The following CHRM3 variants were observed in gnomAD, a reference collection of about 807,000 sequenced individuals.
CHRM3 encodes cholinergic receptor muscarinic 3, also known as muscarinic acetylcholine receptor M3.
In CHRM3, 11 loss-of-function variants were observed where a neutral mutation model predicts 41.8. That is an observed-to-expected ratio of 0.26 (90% confidence interval 0.17 to 0.44). The LOEUF is 0.44. Ranked by LOEUF, CHRM3 falls within the 20% of genes least tolerant of loss-of-function variation. CHRM3 has a pLI of 1.00. For missense variants in CHRM3, 571 were observed against 745.4 expected (o/e 0.77, Z 2.72); for synonymous variants, 297 against 301.4 (o/e 0.99, Z 0.15).
chr1:239,691,062 A>G (rs927920057), intron 5 of CHRM3, among the ~76,000 whole-genome samples: 13 of 151,976 alleles, frequency 8.6e-5, no homozygotes, highest in African/African-American at 3.1e-4. Flanking sequence ...ATCACTCAGG[A>G]AATTTTGCTG....
At chr1:239,764,595 T>C (rs1035364306) in intron 5 of CHRM3, among the ~76,000 whole-genome samples, 1 of 152,218 alleles carries the variant, frequency 6.6e-6, no homozygotes, top group Non-Finnish European at 1.5e-5. Context: ...AAATCCCACT[T>C]CTCTGAATCA....
chr1:239,702,194 G>A (rs143243686), intron 5 of CHRM3, among the ~76,000 whole-genome samples: 10 of 152,242 alleles, frequency 6.6e-5, no homozygotes, highest in African/African-American at 2.4e-4. Context: ...AAGGAAGGTA[G>A]TACTTAAATT....
At chr1:239,816,257 G>A (rs545100851) in intron 5 of CHRM3, among the ~76,000 whole-genome samples, 1 of 152,154 alleles carries the variant, frequency 6.6e-6, no homozygotes, top group Non-Finnish European at 1.5e-5. Flanking sequence ...GCTGATTCAG[G>A]CCAAGGGAAT....
chr1:239,455,564 G>A (rs1664870141), intron 1 of CHRM3, among the ~76,000 whole-genome samples: 1 of 151,996 alleles, frequency 6.6e-6, no homozygotes, highest in African/African-American at 2.4e-5. Flanking sequence ...GTGTGTTTCT[G>A]TCTTAGTTTT....
intron 3 of CHRM3, among the ~76,000 whole-genome samples, chr1:239,611,713 C>T (rs1572921187): frequency 6.6e-6 from 1 of 152,220 alleles, no homozygotes; most frequent in East Asian, 1.9e-4. Flanking sequence ...GCCACCGCAC[C>T]CAGCCGCAAG....
At chr1:239,470,737 G>A (rs1024490568) in intron 1 of CHRM3, among the ~76,000 whole-genome samples, 7 of 152,186 alleles carry the variant, frequency 4.6e-5, no homozygotes, top group Non-Finnish European at 1.0e-4. Context: ...ATTGTGGAGT[G>A]GAAGCTAGTA....
At chr1:239,840,896 A>G (rs1673743122) in intron 6 of CHRM3, among the ~76,000 whole-genome samples, 1 of 152,196 alleles carries the variant, frequency 6.6e-6, no homozygotes, top group South Asian at 2.1e-4. Flanking sequence ...ATTAATATTC[A>G]TTGCCAGCAC....
At chr1:239,783,240 G>T (rs1257657772) in intron 5 of CHRM3, among the ~76,000 whole-genome samples, 1 of 151,112 alleles carries the variant, frequency 6.6e-6, no homozygotes, top group Non-Finnish European at 1.5e-5. Flanking sequence ...TTTTAATGGA[G>T]GATAAAAAAT....
chr1:239,616,406 C>A (rs1376313454), intron 3 of CHRM3, among the ~76,000 whole-genome samples: 3 of 152,112 alleles, frequency 2.0e-5, no homozygotes, highest in African/African-American at 4.8e-5. Context: ...TTTCAGGCAC[C>A]CCTTCCTCGG....
At chr1:239,716,513 C>G (rs2148286803) in intron 5 of CHRM3, among the ~76,000 whole-genome samples, 1 of 152,148 alleles carries the variant, frequency 6.6e-6, no homozygotes, top group South Asian at 2.1e-4. Context: ...AAGCCATGTA[C>G]CAAAGCCTTT....
chr1:239,507,078 C>T lies in CHRM3; in HGVS notation c.-422+14271C>T, dbSNP rs1438819493. 4.6e-5 allele frequency among the ~76,000 whole-genome samples: 7 copies of T among 152,146 alleles called. 1 individual carries two copies. The highest frequency in any genetic ancestry group is 3.9e-4 in the East Asian group (2 of 5,172). On this transcript the variant is annotated intron_variant, in intron 2 of 6. Coordinates refer to ENST00000676153, the MANE Select transcript of CHRM3 (RefSeq NM_001375978.1). ...CAGTCTCATAAGCAGAAGGGACTTGCGTTGTTTTTGATGGGACATTGGACT... is the reference window on the plus strand; with the variant it reads ...CAGTCTCATAAGCAGAAGGGACTTGTGTTGTTTTTGATGGGACATTGGACT...
chr1:239,733,988 A>T (rs1019211073), intron 5 of CHRM3, among the ~76,000 whole-genome samples: 1 of 152,042 alleles, frequency 6.6e-6, no homozygotes, highest in Admixed American at 6.6e-5. Context: ...AAACTACTAC[A>T]CCCTGAAGAC....
chr1:239,606,087 G>C (rs927641987), intron 3 of CHRM3: 4 of 152,122 alleles, frequency 2.6e-5, no homozygotes, highest in African/African-American at 9.7e-5. Flanking sequence ...GAGTCCAGCT[G>C]TTTGTTCGTT....
chr1:239,905,838 C>A (rs552500906), intron 6 of CHRM3, among the ~76,000 whole-genome samples: 1 of 152,262 alleles, frequency 6.6e-6, no homozygotes, highest in South Asian at 2.1e-4. Flanking sequence ...GCAGCCAAAG[C>A]AAAGAGAGCT....
At position 239,748,890 on chromosome 1, in the gene CHRM3, A is replaced by G. The variant is rs1371713609; in HGVS notation, c.-147+70602A>G. ...TTAACTGGCTAGCTTTACTGAAGGA[A>G]AATGATTTCTGGGGCACACCAGCCC... On this transcript the variant is annotated intron_variant, in intron 5 of 6. Transcript: ENST00000676153. This position sits in a 1 kb window ranked among gnomAD's most constrained non-coding sequence, Gnocchi z 4.3. Among the ~76,000 whole-genome samples, 1 of 152,214 alleles carries G rather than the reference A, an allele frequency of 6.6e-6. No individual in the cohort carries two copies. The highest frequency in any genetic ancestry group is 2.4e-5 in the African/African-American group (1 of 41,456).
chr1:239,515,284 T>C (rs1231007324), intron 2 of CHRM3, among the ~76,000 whole-genome samples: 1 of 147,636 alleles, frequency 6.8e-6, no homozygotes, highest in Non-Finnish European at 1.5e-5. Flanking sequence ...TTATAAATGT[T>C]ATATTTACCT....
intron 3 of CHRM3, chr1:239,546,510 T>C (rs568731420): frequency 6.6e-6 from 1 of 152,292 alleles, no homozygotes; most frequent in Non-Finnish European, 1.5e-5. Flanking sequence ...TTCCAATTAA[T>C]TAATGCAGTC....
intron 3 of CHRM3, among the ~76,000 whole-genome samples, chr1:239,616,101 T>C (rs904018874): frequency 2.6e-5 from 4 of 152,226 alleles, no homozygotes; most frequent in African/African-American, 9.6e-5. Flanking sequence ...TAAACAACTA[T>C]TATTATCAAT....
intron 2 of CHRM3, among the ~76,000 whole-genome samples, chr1:239,531,639 ATTTTTTTTTTTTTTTTTTTTT>A (rs58433814): frequency 1.6e-4 from 9 of 55,898 alleles, no homozygotes; most frequent in South Asian, 1.9e-3. Flanking sequence ...TCTAGAATGG[ATTTTTTTTTTTTTTTTTTTTT>A]TTTTTTTTTT....
Sources: gnomAD v4.1 joint callset for allele counts (sites outside exome capture counted in the v4.1 genomes callset) on GRCh38, gnomAD v4.1.1 for gene constraint, Gnocchi (gnomAD v3.1) non-coding constraint, MANE v1.5 for transcripts, NCBI Gene and HGNC (gene_info 2026-07-23, HGNC 2026-07-21) for gene names.